KCNH7: variants seen among roughly 807,000 people sequenced by gnomAD.
KCNH7 encodes voltage-gated inwardly rectifying potassium channel KCNH7.
KCNH7 carries 49 observed loss-of-function variants against 120.8 expected under a neutral mutation model. The observed-to-expected ratio is 0.41, with a 90% confidence interval of 0.32 to 0.51. The LOEUF (loss-of-function observed/expected upper bound fraction) is 0.51, where lower values mean the gene tolerates loss of function less well. KCNH7 is among the 20% of genes least tolerant of loss of function. KCNH7 has a pLI of 0.38. For missense variants in KCNH7, 1,097 were observed against 1,446.6 expected (o/e 0.76, Z 3.92); for synonymous variants, 547 against 516.1 (o/e 1.06, Z -0.81).
chr2:162,734,944 G>C (rs1277863486), intron 2 of KCNH7, among the ~76,000 whole-genome samples: 1 of 152,116 alleles, frequency 6.6e-6, no homozygotes, highest in Non-Finnish European at 1.5e-5. Flanking sequence ...AAGAAATTTT[G>C]AATCCTGTTT....
At chr2:162,670,492 A>AAG (rs1553511726) in intron 2 of KCNH7, among the ~76,000 whole-genome samples, 5,410 of 144,250 alleles carry the variant, frequency 0.038, 502 homozygotes, top group African/African-American at 0.14. Flanking sequence ...AAAAAAAAAA[A>AAG]GAAAAATATT....
intron 2 of KCNH7, among the ~76,000 whole-genome samples, chr2:162,570,888 C>T (rs868843837): frequency 6.6e-6 from 1 of 152,004 alleles, no homozygotes; most frequent in African/African-American, 2.4e-5. Flanking sequence ...TATTGATGGG[C>T]CGTATTTCAA....
At chr2:162,586,986 AC>A (rs1559030895) in intron 2 of KCNH7, among the ~76,000 whole-genome samples, 1 of 152,082 alleles carries the variant, frequency 6.6e-6, no homozygotes, top group Non-Finnish European at 1.5e-5. Flanking sequence ...ATTTTTTCCT[AC>A]AGAAGAAATA....
chr2:162,833,449 A>G (rs1434856584), intron 2 of KCNH7, among the ~76,000 whole-genome samples: 1 of 152,164 alleles, frequency 6.6e-6, no homozygotes, highest in African/African-American at 2.4e-5. Context: ...TCATAGCATA[A>G]TTATAGTTTT....
chr2:162,372,134 A>T (rs770372350), intron 15 of KCNH7, 39 bp from the exon 16 acceptor site: 3 of 1,489,090 alleles, frequency 2.0e-6, no homozygotes. Context: ...TATAATTCAC[A>T]TTGATAGATA....
intron 2 of KCNH7, among the ~76,000 whole-genome samples, chr2:162,576,371 T>C (rs1011605113): frequency 6.6e-6 from 1 of 152,030 alleles, no homozygotes; most frequent in African/African-American, 2.4e-5. Context: ...AATCAGAGTT[T>C]TGGGGATAGT....
intron 2 of KCNH7, among the ~76,000 whole-genome samples, chr2:162,606,953 G>A (rs1308300885): frequency 6.6e-6 from 1 of 151,980 alleles, no homozygotes; most frequent in Non-Finnish European, 1.5e-5. Context: ...GTTTATAGTT[G>A]GGAATGTTAT....
chr2:162,670,222 C>T (rs1420849569), intron 2 of KCNH7, among the ~76,000 whole-genome samples: 1 of 151,872 alleles, frequency 6.6e-6, no homozygotes, highest in Non-Finnish European at 1.5e-5. Flanking sequence ...CCTGTAATTG[C>T]AGCACTTTGG....
chr2:162,416,303 G>T (rs1687540367), intron 9 of KCNH7, among the ~76,000 whole-genome samples: 1 of 151,482 alleles, frequency 6.6e-6, no homozygotes, highest in Admixed American at 6.6e-5. Flanking sequence ...AACCCAGGAG[G>T]TGGAAGTTGC....
chr2:162,566,152 AC>A (rs756869438), intron 2 of KCNH7, among the ~76,000 whole-genome samples: 10 of 151,888 alleles, frequency 6.6e-5, no homozygotes, highest in Non-Finnish European at 1.5e-4. Flanking sequence ...ATCTACCAGC[AC>A]CAACCCTTTC....
At chr2:162,456,817 G>A (rs1002924665) in intron 6 of KCNH7, among the ~76,000 whole-genome samples, 29 of 151,958 alleles carry the variant, frequency 1.9e-4, no homozygotes, top group African/African-American at 7.0e-4. Flanking sequence ...CAGAGACTAG[G>A]ATTTCAAACC....
intron 2 of KCNH7, among the ~76,000 whole-genome samples, chr2:162,815,928 A>G (rs1312765372): frequency 6.6e-6 from 1 of 152,206 alleles, no homozygotes; most frequent in East Asian, 1.9e-4. Context: ...AGATTTCCTC[A>G]TAACCTCATC....
chr2:162,753,027 A>G (rs1002459067), intron 2 of KCNH7, among the ~76,000 whole-genome samples: 2 of 146,776 alleles, frequency 1.4e-5, no homozygotes, highest in Non-Finnish European at 3.0e-5. Flanking sequence ...AGAAAAGAAA[A>G]GAAACCCTGA....
At chr2:162,576,428 T>A (rs756100306) in intron 2 of KCNH7, among the ~76,000 whole-genome samples, 9 of 152,062 alleles carry the variant, frequency 5.9e-5, no homozygotes, top group African/African-American at 1.4e-4. Context: ...ATGCCAAGAT[T>A]TAAAAAGTTG....
intron 2 of KCNH7, among the ~76,000 whole-genome samples, chr2:162,552,762 C>G (rs984339553): frequency 5.9e-5 from 9 of 152,064 alleles, no homozygotes; most frequent in African/African-American, 2.2e-4. Context: ...AAGGGAAGCC[C>G]CTGGGAGCCG....
intron 2 of KCNH7, among the ~76,000 whole-genome samples, chr2:162,751,448 C>T (rs1298205386): frequency 6.6e-6 from 1 of 152,022 alleles, no homozygotes; most frequent in African/African-American, 2.4e-5. Flanking sequence ...TCACAGTAAA[C>T]ATTATTCTAA....
intron 2 of KCNH7, among the ~76,000 whole-genome samples, chr2:162,559,790 T>C (rs2105876225): frequency 6.6e-6 from 1 of 152,334 alleles, no homozygotes; most frequent in Admixed American, 6.5e-5. Context: ...GCTATAGTTG[T>C]ATCTATGTGA....
At chr2:162,686,091 A>C (rs1319200655) in intron 2 of KCNH7, among the ~76,000 whole-genome samples, 1 of 152,064 alleles carries the variant, frequency 6.6e-6, no homozygotes, top group African/African-American at 2.4e-5. Context: ...TATTAAGAAA[A>C]GTTTAGTGTA....
At chr2:162,716,084 A>C (rs1019853161) in intron 2 of KCNH7, among the ~76,000 whole-genome samples, 9 of 152,090 alleles carry the variant, frequency 5.9e-5, no homozygotes, top group African/African-American at 2.2e-4. Flanking sequence ...TTCTTATTCT[A>C]AAAGTTTCAA....
Sources: gnomAD v4.1 joint callset for allele counts (sites outside exome capture counted in the v4.1 genomes callset) on GRCh38, gnomAD v4.1.1 for gene constraint, MANE v1.5 for transcripts, NCBI Gene and HGNC (gene_info 2026-07-23, HGNC 2026-07-21) for gene names.